The following APC2 variants were observed in gnomAD, a reference collection of about 807,000 sequenced individuals.
APC2 encodes the protein adenomatous polyposis coli protein 2.
In APC2, 41 loss-of-function variants were observed where a neutral mutation model predicts 72.5. The observed-to-expected ratio is 0.57, with a 90% CI of 0.44 to 0.73. The LOEUF is 0.73. APC2 is among the 30% of genes least tolerant of loss of function. The pLI is 0.00. For synonymous variants in APC2, 1,898 were observed against 1,612.0 expected, an observed-to-expected ratio of 1.18 and a Z score of -4.25; for missense variants, 3,729 against 3,403.4, an observed-to-expected ratio of 1.10 and a Z score of -2.38.
intron 4 of APC2, among the ~76,000 whole-genome samples, chr19:1,453,893 G>A (rs2083778885): frequency 6.6e-6 from 1 of 152,216 alleles, no homozygotes; most frequent in South Asian, 2.1e-4. Flanking sequence ...CGTCCCCAGG[G>A]GTCCGAGACA....
At position 1,468,620 on chromosome 19, in the gene APC2, G is replaced by A. The variant is rs1268241595; in HGVS notation, c.5319G>A (p.Lys1773=). 1.2e-6 allele frequency: 2 copies of A among 1,601,538 alleles called. No homozygotes were observed. The highest frequency in any genetic ancestry group is 1.7e-5 in the Admixed American group (1 of 59,436). Residue 1773 remains lysine, a synonymous_variant, in exon 15 of 15, where the codon AAG becomes AAA. Coordinates refer to ENST00000590469, the MANE Select transcript of APC2 (RefSeq NM_005883.3). ...CCCGTTCCCCTGCAGGCCCCGAGAA[G>A]CCACGTGGCACACAGAAGACCACGC... ...GSPRSPAGPE[K]PRGTQKTTPG... is the part of the protein sequence containing the mutation.
At chr19:1,461,310 T>A (rs1056426442) in intron 13 of APC2, 157 bp downstream of exon 13, 1 of 661,034 alleles carries the variant, frequency 1.5e-6, no homozygotes, top group Non-Finnish European at 2.6e-6. Context: ...TCACTCCTCA[T>A]GTCACTGCTC....
In APC2 at chr19:1,468,814, A is replaced by G; in HGVS notation, c.5513A>G (p.Gln1838Arg). 6.5e-7 allele frequency: 1 copy of G among 1,540,090 alleles called. No individual in the cohort carries two copies. The highest frequency in any genetic ancestry group is 1.4e-5 in the African/African-American group (1 of 72,676). Reference sequence around the variant, plus strand: ...GCCAAAGTCCCGAGCCCCGGGCAGCAGCGGTCGCGGAGCCTACACCGGCCT... The same window carrying G: ...GCCAAAGTCCCGAGCCCCGGGCAGCGGCGGTCGCGGAGCCTACACCGGCCT... ...APAKVPSPGQQRSRSLHRPAK... is the reference protein window; with the variant it reads ...APAKVPSPGQRRSRSLHRPAK... Residue 1838 changes from glutamine (Q) to arginine (R), a missense_variant, in exon 15 of 15, where the codon CAG becomes CGG. Transcript: ENST00000590469.
rs1015450130 is a variant in APC2 at position 1,471,582 on chromosome 19, C to G, written c.*1369C>G. On this transcript the variant is annotated 3_prime_UTR_variant, in exon 15 of 15. Coordinates refer to ENST00000590469, the MANE Select transcript of APC2 (RefSeq NM_005883.3). ...CAACGCCTCGTCCTGCAGAGGGAGC[C>G]GACGACCTCTTTTCTGCAGAAAAGC... 1 of 152,228 alleles carries G rather than the reference C, an allele frequency of 6.6e-6. No homozygotes were observed. The allele number at this position is 152,228 out of a possible 1,614,324, so 9.4% of individuals were successfully genotyped here.
chr19:1,454,415 G>T (rs2083786264), intron 4 of APC2, among the ~76,000 whole-genome samples: 1 of 148,902 alleles, frequency 6.7e-6, no homozygotes, highest in African/African-American at 2.5e-5. Flanking sequence ...GTCTCACTCT[G>T]TCACCCAGGC....
At position 1,466,088 on chromosome 19, in the gene APC2, C is replaced by A; in HGVS notation, c.2787C>A (p.Ser929Arg). The A allele has an allele frequency of 1.3e-6, 2 of 1,533,842 alleles. No homozygotes were observed. Among genetic ancestry groups the A allele is most frequent in the Non-Finnish European group, 1.7e-6 (2 of 1,149,862 alleles). The part of the protein sequence containing the change: ...HASLSNDSLN[S>R]GSASDGYCPR... ...GCCTCTCCAACGACAGCCTCAACAG[C>A]GGCAGTGCCAGCGACGGGTACTGCC... The change falls in exon 15 of 15, where the codon AGC becomes AGA. Residue 929 changes from serine to arginine, a missense_variant. By Grantham distance (110) the Ser-to-Arg change is moderately radical. Transcript: ENST00000590469.
intron 6 of APC2, 26 bp downstream of exon 6, chr19:1,455,526 G>A (rs999076071): frequency 6.3e-7 from 1 of 1,583,084 alleles, no homozygotes; most frequent in Non-Finnish European, 8.6e-7. Flanking sequence ...GGGTGGCGCG[G>A]CGGTAGGCGG....
Position 1,462,182 on chromosome 19 carries a change from G to GCGGGGGCC in APC2, c.1853+6_1853+7insGGGGGCCC. On this transcript the variant is annotated splice_donor_region_variant and intron_variant, in intron 14 of 14. Coordinates refer to ENST00000590469, the MANE Select transcript of APC2 (RefSeq NM_005883.3). The stretch of plus-strand genomic sequence containing the variant: ...CGCCACCCGTGAGGACTACAGGTCG[G>GCGGGGGCC]CCCCCACCCCCCCACCCGCACACAG... 6.5e-7 allele frequency: 1 copy of GCGGGGGCC among 1,535,434 alleles called. No homozygotes were observed. The highest frequency in any genetic ancestry group is 8.8e-7 in the Non-Finnish European group (1 of 1,139,638).
At position 1,471,955 on chromosome 19, in the gene APC2, G is replaced by A. The variant is rs1348007847; in HGVS notation, c.*1742G>A. The stretch of plus-strand genomic sequence containing the variant: ...CTGCAGGACAAGGAGCTCCAGACAG[G>A]ACGTCCATAAGTCACCGAGGTGTGC... On this transcript the variant is annotated 3_prime_UTR_variant, in exon 15 of 15. Coordinates refer to ENST00000590469, the MANE Select transcript of APC2 (RefSeq NM_005883.3). 6.6e-6 allele frequency: 1 copy of A among 152,424 alleles called. No homozygotes were observed. The highest frequency in any genetic ancestry group is 1.5e-5 in the Non-Finnish European group (1 of 68,158). The allele number at this position is 152,424 out of a possible 1,614,324, so 9.4% of individuals were successfully genotyped here.
chr19:1,468,284 C>T lies in APC2; in HGVS notation c.4983C>T (p.Pro1661=), dbSNP rs1437634435. 1.4e-5 allele frequency: 21 copies of T among 1,537,172 alleles called. No individual in the cohort carries two copies. The highest frequency in any genetic ancestry group is 2.5e-5 in the East Asian group (1 of 40,266). The part of the protein sequence containing the change: ...KPRATRLDER[P]AEGSRERGEE... Reference sequence around the variant, plus strand: ...GAGCCACCCGGCTGGATGAGCGGCCCGCAGAGGGGTCCCGGGAACGCGGCG... The same window carrying T: ...GAGCCACCCGGCTGGATGAGCGGCCTGCAGAGGGGTCCCGGGAACGCGGCG... The change falls in exon 15 of 15, where the codon CCC becomes CCT. Residue 1661 remains proline, a synonymous_variant. Transcript: ENST00000590469.
In APC2 at chr19:1,465,661, TGGCTGC is replaced by T; in HGVS notation, c.2364_2369del (p.Ala791_Ala792del). 1 of 1,600,988 alleles carries T rather than the reference TGGCTGC, an allele frequency of 6.2e-7. No individual in the cohort carries two copies. The highest frequency in any genetic ancestry group is 8.5e-7 in the Non-Finnish European group (1 of 1,174,998). ...GACGACGACGATGCACCGTCATCCC[TGGCTGC>T]GGCCGCGGCCACCGGGGAGCCAGCC... On this transcript the variant is annotated inframe_deletion, in exon 15 of 15. Coordinates refer to ENST00000590469, the MANE Select transcript of APC2 (RefSeq NM_005883.3).
In APC2 at chr19:1,468,472, T is replaced by A. The variant is rs779828031; in HGVS notation, c.5171T>A (p.Leu1724Gln). The A allele has an allele frequency of 1.2e-5, 20 of 1,602,624 alleles. No individual in the cohort carries two copies. Among genetic ancestry groups the A allele is most frequent in the Non-Finnish European group, 1.7e-5 (20 of 1,176,248 alleles). Residue 1724 changes from leucine (L) to glutamine (Q), a missense_variant, in exon 15 of 15, where the codon CTG becomes CAG. By Grantham distance (113) the Leu-to-Gln change is moderately radical. Transcript: ENST00000590469. The part of the protein sequence containing the change: ...SDSILSFVSG[L>Q]SVGSTLQPPK... ...TCCATCCTGTCCTTCGTATCCGGGCTGTCAGTGGGATCCACCCTACAGCCC... is the reference window on the plus strand; with the variant it reads ...TCCATCCTGTCCTTCGTATCCGGGCAGTCAGTGGGATCCACCCTACAGCCC...
chr19:1,464,356 A>T (rs561291609), intron 14 of APC2, among the ~76,000 whole-genome samples: 2 of 152,094 alleles, frequency 1.3e-5, no homozygotes, highest in South Asian at 4.2e-4. Context: ...AATAAGAAAT[A>T]TTAAAATAAA....
Position 1,457,382 on chromosome 19 carries a change from GC to G in APC2, c.1207+141del, listed in dbSNP as rs1474227789. ...GCTGCAGTACCAGGCTCCGGCCGAG[GC>G]CTGTGGGGGCATTTGACGTTGGGAA... On this transcript the variant is annotated intron_variant, in intron 9 of 14. Coordinates refer to ENST00000590469, the MANE Select transcript of APC2 (RefSeq NM_005883.3). 8 of 1,242,002 alleles carry G rather than the reference GC, an allele frequency of 6.4e-6. No individual in the cohort carries two copies. In the African/African-American group the frequency reaches 1.3e-4, roughly 20 times the overall value. The allele number at this position is 1,242,002 out of a possible 1,614,324, so 76.9% of individuals were successfully genotyped here.
upstream of APC2, among the ~76,000 whole-genome samples, chr19:1,449,229 A>G (rs1328071064): frequency 6.6e-6 from 1 of 152,188 alleles, no homozygotes; most frequent in African/African-American, 2.4e-5. Flanking sequence ...AGCACGGAAA[A>G]AAATCACTCT....
intron 10 of APC2, 129 bp downstream of exon 10, chr19:1,458,189 G>A: frequency 1.2e-6 from 1 of 826,396 alleles, no homozygotes. Flanking sequence ...GAGAGGGACA[G>A]ACTCCCTGGA....
chr19:1,464,228 G>C (rs933491087), intron 14 of APC2, among the ~76,000 whole-genome samples: 2 of 152,080 alleles, frequency 1.3e-5, no homozygotes, highest in African/African-American at 4.8e-5. Flanking sequence ...AGACTCGCTT[G>C]AACCCAGGAG....
rs763676507 is a variant in APC2 at position 1,465,949 on chromosome 19, C to T, written c.2648C>T (p.Ala883Val). ...AGCTCTGGAGACCCGGGACAGGAGG[C>T]GCCACGGGAGGGCCGCGCCCAGTCC... Reference protein sequence around the residue: ...SLSSGDPGQEAPREGRAQSCS... With the variant: ...SLSSGDPGQEVPREGRAQSCS... Residue 883 changes from alanine (A) to valine (V), a missense_variant, in exon 15 of 15, where the codon GCG becomes GTG. Coordinates refer to ENST00000590469, the MANE Select transcript of APC2 (RefSeq NM_005883.3). 1.3e-6 allele frequency: 2 copies of T among 1,578,340 alleles called. No homozygotes were observed. The highest frequency in any genetic ancestry group is 4.7e-5 in the East Asian group (2 of 42,788).
At chr19:1,447,126 C>A (rs910364883), upstream of APC2, among the ~76,000 whole-genome samples, 1 of 152,188 alleles carries the variant, frequency 6.6e-6, no homozygotes, top group Admixed American at 6.5e-5. Context: ...ACCGGCCTAC[C>A]CCACCCTCCC....
Sources: allele counts gnomAD v4.1 joint callset (sites outside exome capture counted in the v4.1 genomes callset), GRCh38; gene constraint gnomAD v4.1.1; transcripts MANE v1.5; gene names NCBI Gene and HGNC (gene_info 2026-07-23, HGNC 2026-07-21).